CLCN4: variants seen among roughly 807,000 people sequenced by gnomAD.
CLCN4 encodes the protein Cl-/H+ antiporter 4, also known as H(+)/Cl(-) exchange transporter 4.
CLCN4 carries 1 observed loss-of-function variant against 41.7 expected under a neutral mutation model. That is an observed-to-expected ratio of 0.02 (90% CI 0.01 to 0.11). The LOEUF (loss-of-function observed/expected upper bound fraction) is 0.11. Among genes scored for constraint, CLCN4 ranks in the 10% least tolerant of loss-of-function variants. The pLI is 1.00. For synonymous variants in CLCN4, 277 were observed against 285.8 expected, an observed-to-expected ratio of 0.97 and a Z score of 0.31; for missense variants, 287 against 661.0, an observed-to-expected ratio of 0.43 and a Z score of 6.20.
At chrX:10,231,664 C>T (rs185949474) in intron 12 of CLCN4, among the ~76,000 whole-genome samples, 52 of 111,806 alleles carry the variant, frequency 4.7e-4, no homozygotes, top group Non-Finnish European at 9.0e-4. Flanking sequence ...TGGCATAAGT[C>T]GTTTTTGGCA....
chrX:10,233,358 C>T, intron 12 of CLCN4, 136 bp from the exon 13 acceptor site: 1 of 472,420 alleles, frequency 2.1e-6, no homozygotes, highest in Non-Finnish European at 3.8e-6. Context: ...CCTCCATTGG[C>T]TCTGCCTAAC....
At chrX:10,157,428 G>A (rs950145356) in intron 1 of CLCN4, among the ~76,000 whole-genome samples, 6 of 112,547 alleles carry the variant, frequency 5.3e-5, no homozygotes, top group African/African-American at 1.9e-4. Flanking sequence ...TGTTAAAATT[G>A]TGATTTTTAA....
intron 2 of CLCN4, among the ~76,000 whole-genome samples, chrX:10,168,389 G>A (rs915861489): frequency 8.9e-6 from 1 of 112,072 alleles, no homozygotes; most frequent in Admixed American, 9.4e-5. Context: ...CTGCACAGGG[G>A]ATTTGCCAAC....
chrX:10,210,873 C>T (rs1295051767), intron 9 of CLCN4, among the ~76,000 whole-genome samples: 1 of 107,956 alleles, frequency 9.3e-6, no homozygotes, highest in Non-Finnish European at 1.9e-5. Context: ...GTCTGGAACT[C>T]CTGGGCTCAA....
At chrX:10,161,870 T>C (rs1349366177) in intron 2 of CLCN4, among the ~76,000 whole-genome samples, 2 of 110,886 alleles carry the variant, frequency 1.8e-5, no homozygotes. Context: ...GAAGCTGCCA[T>C]GTCGTGATCA....
intron 4 of CLCN4, 56 bp from the exon 5 acceptor site, chrX:10,194,855 C>T: frequency 1.7e-6 from 2 of 1,151,520 alleles, no homozygotes; most frequent in Non-Finnish European, 2.4e-6. Context: ...GTGTTGGTCT[C>T]ATTCTTGTCG....
At chrX:10,194,087 G>A (rs1012471840) in intron 4 of CLCN4, among the ~76,000 whole-genome samples, 4 of 110,257 alleles carry the variant, frequency 3.6e-5, no homozygotes, top group Non-Finnish European at 7.6e-5. Context: ...TGAGGTGGGC[G>A]GTGTCCGATG....
At position 10,234,844 on chromosome X, in the gene CLCN4, G is replaced by T. The variant is rs780485995; in HGVS notation, c.*1260G>T. 1 of 112,016 alleles carries T rather than the reference G, an allele frequency of 8.9e-6. No individual in the cohort carries two copies. Among genetic ancestry groups the T allele is most frequent in the Non-Finnish European group, 1.9e-5 (1 of 53,224 alleles). The allele number at this position is 112,016 out of a possible 1,213,427, so 9.2% of individuals were successfully genotyped here. On this transcript the variant is annotated 3_prime_UTR_variant, in exon 13 of 13. Transcript: ENST00000380833. ...CATTTACTCTTTTAGTCAGGATTTCGGTCTTTTCTGCGGGAAGGAATTAAG... is the reference window on the plus strand; with the variant it reads ...CATTTACTCTTTTAGTCAGGATTTCTGTCTTTTCTGCGGGAAGGAATTAAG...
intron 2 of CLCN4, among the ~76,000 whole-genome samples, chrX:10,169,213 G>A (rs958729184): frequency 9.0e-6 from 1 of 111,505 alleles, no homozygotes; most frequent in African/African-American, 3.3e-5. Flanking sequence ...ATTTATTTCC[G>A]AGAAACTTCT....
At chrX:10,209,816 T>C in intron 9 of CLCN4, among the ~76,000 whole-genome samples, 1 of 109,830 alleles carries the variant, frequency 9.1e-6, no homozygotes, top group Middle Eastern at 4.7e-3. Flanking sequence ...AACCTGGGAT[T>C]TTGTTATTAT....
chrX:10,214,876 G>A (rs928227750), intron 11 of CLCN4, among the ~76,000 whole-genome samples: 11 of 111,431 alleles, frequency 9.9e-5, no homozygotes, highest in African/African-American at 3.3e-4. Flanking sequence ...CTAAGACAGA[G>A]GGGCCTAGGG....
chrX:10,184,966 T>C, intron 2 of CLCN4, 56 bp from the exon 3 acceptor site: 2 of 1,021,777 alleles, frequency 2.0e-6, no homozygotes, highest in Non-Finnish European at 2.7e-6. Flanking sequence ...ACTATTCTTC[T>C]TGCATGGCCA....
At chrX:10,162,024 T>A (rs1426159786) in intron 2 of CLCN4, among the ~76,000 whole-genome samples, 3 of 97,282 alleles carry the variant, frequency 3.1e-5, no homozygotes, top group African/African-American at 1.1e-4. Flanking sequence ...TTTTTTTTTT[T>A]TTTTTTTTTT....
Position 10,216,918 on chromosome X carries a change from T to TATATATATATATATATACACACAC in CLCN4, c.1975+2840_1975+2841insTATATATATATATATACACACACA, listed in dbSNP as rs773265490. Among the ~76,000 whole-genome samples, 28 of 38,921 alleles carry TATATATATATATATATACACACAC rather than the reference T, an allele frequency of 7.2e-4. 1 individual carries two copies. Among genetic ancestry groups the TATATATATATATATATACACACAC allele is most frequent in the African/African-American group, 3.0e-3 (27 of 9,003 alleles). 33.8% of individuals were successfully genotyped at this position (38,921 alleles called of 115,157 possible). A position where few individuals can be genotyped will look rare whatever the true frequency, so the allele number is the denominator to read the frequency against. On this transcript the variant is annotated intron_variant, in intron 11 of 12. Coordinates refer to ENST00000380833, the MANE Select transcript of CLCN4 (RefSeq NM_001830.4). ...GTGTGTATATATATATATATATATA[T>TATATATATATATATATACACACAC]ACACACACACACATAGAGGGACTTC...
At chrX:10,211,028 G>A (rs1467205075) in intron 9 of CLCN4, among the ~76,000 whole-genome samples, 1 of 104,269 alleles carries the variant, frequency 9.6e-6, no homozygotes, top group East Asian at 3.1e-4. Flanking sequence ...CACTTTGGGA[G>A]GCCAAGGTGG....
intron 3 of CLCN4, among the ~76,000 whole-genome samples, chrX:10,185,840 C>T (rs760927226): frequency 2.7e-5 from 3 of 111,419 alleles, no homozygotes; most frequent in Admixed American, 9.5e-5. Flanking sequence ...AGCAGGGCCA[C>T]GTGGGGAACG....
At chrX:10,218,267 A>G (rs1924778750) in intron 11 of CLCN4, among the ~76,000 whole-genome samples, 1 of 112,672 alleles carries the variant, frequency 8.9e-6, no homozygotes, top group Non-Finnish European at 1.9e-5. Flanking sequence ...CTACATTCTT[A>G]TCACCAAAGA....
At chrX:10,206,884 C>A (rs1924402745) in intron 8 of CLCN4, 108 bp downstream of exon 8, 2 of 493,044 alleles carry the variant, frequency 4.1e-6, no homozygotes, top group Non-Finnish European at 3.2e-6. Flanking sequence ...TAAGGAGCCA[C>A]AATTTCCACT....
Position 10,233,649 on chromosome X carries a change from T to C in CLCN4, c.*65T>C, listed in dbSNP as rs1194843927. The C allele has an allele frequency of 4.5e-6, 4 of 887,411 alleles. No individual in the cohort carries two copies. The highest frequency in any genetic ancestry group is 2.7e-4 in the Middle Eastern group (1 of 3,706). The allele number at this position is 887,411 out of a possible 1,213,427, so 73.1% of individuals were successfully genotyped here. Reference sequence around the variant, plus strand: ...GTCATTTAAAAAGAAATAAATGATATGTTATTATCCCAATGAAAGATCATG... The same window carrying C: ...GTCATTTAAAAAGAAATAAATGATACGTTATTATCCCAATGAAAGATCATG... On this transcript the variant is annotated 3_prime_UTR_variant, in exon 13 of 13. Coordinates refer to ENST00000380833, the MANE Select transcript of CLCN4 (RefSeq NM_001830.4).
Sources: allele counts gnomAD v4.1 joint callset (sites outside exome capture counted in the v4.1 genomes callset), GRCh38; gene constraint gnomAD v4.1.1; transcripts MANE v1.5; gene names NCBI Gene and HGNC (gene_info 2026-07-23, HGNC 2026-07-21).